Variants in AGBL1 observed in about 807,000 individuals in gnomAD.
The protein encoded by AGBL1 is cytosolic carboxypeptidase 4.
Under a neutral mutation model 118.9 loss-of-function variants are expected in AGBL1, and 130 were observed. The observed-to-expected ratio is 1.09, with a 90% confidence interval of 0.95 to 1.26. AGBL1 has a LOEUF of 1.26. AGBL1 is among the 50% of genes most tolerant of loss of function. The pLI is 0.00. For missense variants in AGBL1, 1,584 were observed against 1,298.1 expected, an observed-to-expected ratio of 1.22 and a Z score of -3.38; for synonymous variants, 555 against 478.9, an observed-to-expected ratio of 1.16 and a Z score of -2.08.
chr15:86,781,623 C>T (rs1200885178), intron 22 of AGBL1, among the ~76,000 whole-genome samples: 3 of 152,162 alleles, frequency 2.0e-5, no homozygotes, highest in African/African-American at 7.2e-5. Context: ...TAGGACTAAA[C>T]AGTGACATTA....
chr15:87,015,387 G>GTCTA (rs1190046891), intron 24 of AGBL1, among the ~76,000 whole-genome samples: 1 of 151,934 alleles, frequency 6.6e-6, no homozygotes, highest in Non-Finnish European at 1.5e-5. Flanking sequence ...TATCTAGTCT[G>GTCTA]TCTATCTATC....
chr15:86,184,433 CTTTT>C (rs71144032), intron 5 of AGBL1, among the ~76,000 whole-genome samples: 1 of 136,172 alleles, frequency 7.3e-6, no homozygotes. Context: ...TTTTTTCTTT[CTTTT>C]TTTTTTTTTT....
rs567326235 is a variant in AGBL1, at chr15:86,685,681, GATAA to G, written c.3158+11251_3158+11254del. Among the ~76,000 whole-genome samples the G allele has an allele frequency of 2.0e-5, 3 of 152,138 alleles. No individual in the cohort carries two copies. The South Asian group carries it at 6.2e-4, about 32-fold the overall frequency. ...CTATTATGATTAATACTATTTTATA[GATAA>G]ATAAAAGGAGGTTTATGATGCTAAA... is the stretch of plus-strand genomic sequence containing the variant. On this transcript the variant is annotated intron_variant, in intron 22 of 22. Coordinates refer to ENST00000614907, the MANE Select transcript of AGBL1 (RefSeq NM_001386094.1).
At chr15:86,968,882 A>T (rs960971838) in intron 23 of AGBL1, among the ~76,000 whole-genome samples, 1 of 151,890 alleles carries the variant, frequency 6.6e-6, no homozygotes, top group Non-Finnish European at 1.5e-5. Flanking sequence ...ACATCGTGGA[A>T]GAGGCAAGCA....
chr15:86,609,575 T>C (rs761769402), intron 21 of AGBL1, among the ~76,000 whole-genome samples: 8 of 152,308 alleles, frequency 5.3e-5, no homozygotes, highest in East Asian at 1.9e-4. Flanking sequence ...ATCCAGGTTA[T>C]AGAACTCAAT....
At chr15:86,814,220 G>T (rs566264354) in intron 22 of AGBL1, among the ~76,000 whole-genome samples, 5 of 152,310 alleles carry the variant, frequency 3.3e-5, no homozygotes, top group Admixed American at 3.3e-4. Flanking sequence ...CACGAGACCT[G>T]TTGTGAATTG....
chr15:86,330,314 A>G (rs1469822711), intron 17 of AGBL1, among the ~76,000 whole-genome samples: 1 of 152,216 alleles, frequency 6.6e-6, no homozygotes, highest in Non-Finnish European at 1.5e-5. Flanking sequence ...TGCATGGCCC[A>G]ATATAAAACC....
intron 22 of AGBL1, among the ~76,000 whole-genome samples, chr15:86,863,134 G>A (rs528881770): frequency 1.3e-5 from 2 of 152,172 alleles, no homozygotes; most frequent in Non-Finnish European, 2.9e-5. Context: ...TAAATAGAAA[G>A]AGCATGTGGA....
rs1293492690 is a variant in AGBL1 at position 86,615,809 on chromosome 15, G to A, written c.2995-58464G>A. ...AACAACATATATAAAAGTTCTGGAA[G>A]CAGATGGAAACTCAGGGAAAGACTG... On this transcript the variant is annotated intron_variant, in intron 21 of 22. Transcript: ENST00000614907. The surrounding 1 kb of genome is among the most constrained non-coding windows in gnomAD (Gnocchi z 4.3). Among the ~76,000 whole-genome samples, 1 of 152,144 alleles carries A rather than the reference G, an allele frequency of 6.6e-6. No homozygotes were observed. Among genetic ancestry groups the A allele is most frequent in the Non-Finnish European group, 1.5e-5 (1 of 68,036 alleles).
chr15:86,196,213 T>C (rs191225335), intron 5 of AGBL1, among the ~76,000 whole-genome samples: 1 of 152,314 alleles, frequency 6.6e-6, no homozygotes, highest in East Asian at 1.9e-4. Flanking sequence ...GAAAGAAATC[T>C]TATTTCATGC....
chr15:86,644,134 A>G (rs1427208326), intron 21 of AGBL1, among the ~76,000 whole-genome samples: 1 of 152,226 alleles, frequency 6.6e-6, no homozygotes, highest in African/African-American at 2.4e-5. Flanking sequence ...TCTAATCATC[A>G]CTATTTCTAT....
At chr15:86,178,396 G>T (rs1334943779) in intron 5 of AGBL1, among the ~76,000 whole-genome samples, 1 of 152,172 alleles carries the variant, frequency 6.6e-6, no homozygotes, top group Non-Finnish European at 1.5e-5. Context: ...TCAGAAATGA[G>T]AGGCGAAATT....
At chr15:87,024,802 C>T (rs1255680440) in intron 24 of AGBL1, among the ~76,000 whole-genome samples, 1 of 151,732 alleles carries the variant, frequency 6.6e-6, no homozygotes, top group East Asian at 1.9e-4. Context: ...AAATGGGTTT[C>T]ATTCCAAGGA....
chr15:86,471,363 G>A (rs939481413), intron 18 of AGBL1, among the ~76,000 whole-genome samples: 4 of 152,114 alleles, frequency 2.6e-5, no homozygotes, highest in Admixed American at 6.6e-5. Context: ...ATTTGTATAT[G>A]ATGAACCATC....
At chr15:86,854,657 C>G (rs185680478) in intron 22 of AGBL1, among the ~76,000 whole-genome samples, 1 of 152,122 alleles carries the variant, frequency 6.6e-6, no homozygotes, top group Non-Finnish European at 1.5e-5. Flanking sequence ...AAGGGTGTAT[C>G]TTCTTCAGCC....
intron 23 of AGBL1, among the ~76,000 whole-genome samples, chr15:86,976,045 T>A (rs1423214338): frequency 6.6e-6 from 1 of 152,072 alleles, no homozygotes; most frequent in Admixed American, 6.6e-5. Context: ...TTTAAAATTA[T>A]TATGTTGGTT....
intron 17 of AGBL1, among the ~76,000 whole-genome samples, chr15:86,328,504 G>A (rs916100524): frequency 6.6e-6 from 1 of 152,062 alleles, no homozygotes; most frequent in Non-Finnish European, 1.5e-5. Flanking sequence ...GCATGCCTCA[G>A]CCACTTGGAA....
chr15:86,649,026 A>C (rs564149041), intron 21 of AGBL1, among the ~76,000 whole-genome samples: 2 of 152,162 alleles, frequency 1.3e-5, no homozygotes, highest in African/African-American at 2.4e-5. Flanking sequence ...AGATGGAGAA[A>C]TGATACCATG....
intron 21 of AGBL1, among the ~76,000 whole-genome samples, chr15:86,561,965 T>C (rs1331246895): frequency 1.3e-5 from 2 of 152,278 alleles, no homozygotes; most frequent in East Asian, 3.9e-4. Context: ...TGTCTGTTAT[T>C]GGTGTATAAG....
Sources: gnomAD v4.1 joint callset for allele counts (sites outside exome capture counted in the v4.1 genomes callset) on GRCh38, gnomAD v4.1.1 for gene constraint, Gnocchi (gnomAD v3.1) non-coding constraint, MANE v1.5 for transcripts, NCBI Gene and HGNC (gene_info 2026-07-23, HGNC 2026-07-21) for gene names.